The following VRK2 variants were observed in gnomAD, a reference collection of about 807,000 sequenced individuals.
VRK2 encodes serine/threonine-protein kinase VRK2.
Under a neutral mutation model 57.6 loss-of-function variants are expected in VRK2, and 60 were observed. The observed-to-expected ratio is 1.04, with a 90% CI of 0.85 to 1.29. VRK2 has a LOEUF of 1.29. VRK2 is among the 50% of genes most tolerant of loss of function. The pLI is 0.00. For missense variants in VRK2, 705 were observed against 588.1 expected (o/e 1.20, Z -2.06); for synonymous variants, 231 against 199.2 (o/e 1.16, Z -1.35).
intron 7 of VRK2, among the ~76,000 whole-genome samples, chr2:58,095,496 A>T (rs1384956983): frequency 1.3e-5 from 2 of 151,932 alleles, no homozygotes; most frequent in Admixed American, 6.6e-5. Flanking sequence ...CATATTTCTT[A>T]TTATGTTTGT....
At chr2:58,151,752 T>TG (rs1683098416) in intron 12 of VRK2, among the ~76,000 whole-genome samples, 1 of 123,550 alleles carries the variant, frequency 8.1e-6, no homozygotes, top group African/African-American at 3.2e-5. Flanking sequence ...TTTTTTTTTT[T>TG]TTTTTTTTTT....
chr2:57,916,756 A>G (rs1670169121), intron 1 of VRK2, among the ~76,000 whole-genome samples: 1 of 152,190 alleles, frequency 6.6e-6, no homozygotes, highest in African/African-American at 2.4e-5. Flanking sequence ...CAGAGTAGAG[A>G]AAAGCCATTT....
intron 2 of VRK2, among the ~76,000 whole-genome samples, chr2:58,050,849 C>CTT (rs1300849485): frequency 2.1e-5 from 3 of 145,562 alleles, no homozygotes; most frequent in African/African-American, 2.5e-5. Context: ...CATATTTTTA[C>CTT]TTTTTTTTTT....
At chr2:58,052,428 A>T (rs1675889272) in intron 2 of VRK2, among the ~76,000 whole-genome samples, 1 of 151,938 alleles carries the variant, frequency 6.6e-6, no homozygotes, top group Non-Finnish European at 1.5e-5. Flanking sequence ...ACTTGGTGAA[A>T]CCCCATCTCT....
At chr2:58,119,052 A>G (rs1038066616) in intron 7 of VRK2, among the ~76,000 whole-genome samples, 1 of 152,088 alleles carries the variant, frequency 6.6e-6, no homozygotes, top group Non-Finnish European at 1.5e-5. Context: ...GTGATTCTTC[A>G]GTTACTTCAG....
chr2:58,000,344 T>G (rs529675344), intron 1 of VRK2, among the ~76,000 whole-genome samples: 1 of 152,192 alleles, frequency 6.6e-6, no homozygotes, highest in East Asian at 1.9e-4. Flanking sequence ...CATTATACTA[T>G]AAAAGAAATG....
intron 1 of VRK2, among the ~76,000 whole-genome samples, chr2:57,951,511 T>A (rs1048964577): frequency 2.6e-5 from 4 of 152,200 alleles, no homozygotes; most frequent in Non-Finnish European, 5.9e-5. Flanking sequence ...TGAAAGAAGT[T>A]CTACTGGAGG....
At chr2:57,992,866 G>A (rs1672811489) in intron 1 of VRK2, among the ~76,000 whole-genome samples, 1 of 152,190 alleles carries the variant, frequency 6.6e-6, no homozygotes, top group Admixed American at 6.5e-5. Flanking sequence ...ACTACATATT[G>A]ACAACCTAGA....
At chr2:58,085,328 TAA>T in intron 4 of VRK2, among the ~76,000 whole-genome samples, 1 of 151,896 alleles carries the variant, frequency 6.6e-6, no homozygotes, top group Non-Finnish European at 1.5e-5. Flanking sequence ...GATATATGTA[TAA>T]AAAAAGAACG....
At chr2:57,957,201 T>C (rs2103989748) in intron 1 of VRK2, among the ~76,000 whole-genome samples, 1 of 152,264 alleles carries the variant, frequency 6.6e-6, no homozygotes, top group African/African-American at 2.4e-5. Context: ...GGCCTATATA[T>C]ACATTGAGGA....
intron 7 of VRK2, among the ~76,000 whole-genome samples, chr2:58,100,925 T>C (rs1356577474): frequency 2.6e-5 from 4 of 151,776 alleles, no homozygotes; most frequent in Admixed American, 2.6e-4. Flanking sequence ...AAATGCATTT[T>C]TTAGGTGAAT....
At chr2:57,913,916 T>C (rs950797301) in intron 1 of VRK2, among the ~76,000 whole-genome samples, 1 of 152,086 alleles carries the variant, frequency 6.6e-6, no homozygotes, top group African/African-American at 2.4e-5. Context: ...TAAGTCATGT[T>C]AAAATGTAAC....
intron 7 of VRK2, among the ~76,000 whole-genome samples, chr2:58,093,226 G>A (rs1672627763): frequency 6.6e-6 from 1 of 152,164 alleles, no homozygotes; most frequent in Admixed American, 6.5e-5. Flanking sequence ...CTAGATCCCT[G>A]AGGAATCGCC....
chr2:57,930,619 G>A (rs1381288053), intron 1 of VRK2, among the ~76,000 whole-genome samples: 1 of 152,072 alleles, frequency 6.6e-6, no homozygotes, highest in East Asian at 1.9e-4. Flanking sequence ...CTTCTATTTA[G>A]CCGTTTTGCT....
intron 7 of VRK2, among the ~76,000 whole-genome samples, chr2:58,114,850 G>A (rs1439672445): frequency 1.3e-5 from 2 of 152,154 alleles, no homozygotes; most frequent in East Asian, 3.9e-4. Flanking sequence ...CTGTAGGAAA[G>A]GCCATTACTT....
At chr2:58,123,771 C>G (rs145881548) in intron 8 of VRK2, among the ~76,000 whole-genome samples, 158 of 151,862 alleles carry the variant, frequency 1.0e-3, no homozygotes, top group African/African-American at 3.7e-3. Context: ...AGGAGGATCA[C>G]TTGAGCCAAG....
At chr2:57,908,672 G>C (rs1669900067) in intron 1 of VRK2, among the ~76,000 whole-genome samples, 1 of 152,134 alleles carries the variant, frequency 6.6e-6, no homozygotes, top group Admixed American at 6.5e-5. Flanking sequence ...GTGTGTGACA[G>C]GTTTTTAGTT....
At chr2:58,041,022 T>C in intron 3 of VRK2, 1 of 985,022 alleles carries the variant, frequency 1.0e-6, no homozygotes, top group Non-Finnish European at 1.2e-6. Context: ...CAGCTCCTCT[T>C]CTCCTCCTTA....
intron 1 of VRK2, among the ~76,000 whole-genome samples, chr2:57,965,430 T>C (rs1362421242): frequency 6.6e-6 from 1 of 152,212 alleles, no homozygotes; most frequent in Non-Finnish European, 1.5e-5. Context: ...TGCCAGTCAA[T>C]AATGTATAGG....
Sources: allele counts gnomAD v4.1 joint callset (sites outside exome capture counted in the v4.1 genomes callset), GRCh38; gene constraint gnomAD v4.1.1; transcripts MANE v1.5; gene names NCBI Gene and HGNC (gene_info 2026-07-23, HGNC 2026-07-21).